Variants in THSD7B observed in about 807,000 individuals in gnomAD.
The protein encoded by THSD7B is thrombospondin type-1 domain-containing protein 7B.
In THSD7B, 138 loss-of-function variants were observed where a neutral mutation model predicts 213.6. That is an observed-to-expected ratio of 0.65 (90% CI 0.56 to 0.74). The LOEUF is 0.74. Ranked by LOEUF, THSD7B falls within the 30% of genes least tolerant of loss-of-function variation. The pLI, the probability that THSD7B is intolerant of heterozygous loss-of-function variation, is 0.00. For synonymous variants in THSD7B, 742 were observed against 687.0 expected, an observed-to-expected ratio of 1.08 and a Z score of -1.25; for missense variants, 1,931 against 1,991.5, an observed-to-expected ratio of 0.97 and a Z score of 0.58.
chr2:137,219,780 T>C (rs770658562), intron 7 of THSD7B, among the ~76,000 whole-genome samples: 1 of 150,342 alleles, frequency 6.7e-6, no homozygotes, highest in Non-Finnish European at 1.5e-5. Flanking sequence ...TTGTGCCGGA[T>C]GTTTGCACAA....
chr2:137,446,271 C>G (rs1418598698), intron 14 of THSD7B, among the ~76,000 whole-genome samples: 1 of 151,998 alleles, frequency 6.6e-6, no homozygotes, highest in Non-Finnish European at 1.5e-5. Context: ...GGGAAAAATG[C>G]ACATAAGGTA....
chr2:137,011,728 T>A (rs911809086), intron 2 of THSD7B, among the ~76,000 whole-genome samples: 3 of 152,144 alleles, frequency 2.0e-5, no homozygotes, highest in Non-Finnish European at 4.4e-5. Flanking sequence ...CTGAATCTCA[T>A]CCATCCTTCA....
At chr2:136,770,184 C>A (rs1681479642) in intron 1 of THSD7B, among the ~76,000 whole-genome samples, 1 of 152,210 alleles carries the variant, frequency 6.6e-6, no homozygotes, top group South Asian at 2.1e-4. Context: ...TCTTAGACTG[C>A]AGCTTTGTAG....
At chr2:137,652,405 CT>C (rs1284059051) in intron 21 of THSD7B, among the ~76,000 whole-genome samples, 2 of 152,110 alleles carry the variant, frequency 1.3e-5, no homozygotes, top group South Asian at 4.2e-4. Context: ...CATGGAATAT[CT>C]TTTTTTATTC....
intron 2 of THSD7B, among the ~76,000 whole-genome samples, chr2:136,977,109 T>C (rs1450608750): frequency 6.6e-6 from 1 of 152,174 alleles, no homozygotes; most frequent in African/African-American, 2.4e-5. Flanking sequence ...AGCTTTTTTT[T>C]TGGTTGATAG....
intron 7 of THSD7B, among the ~76,000 whole-genome samples, chr2:137,189,048 G>C (rs1184771456): frequency 6.6e-6 from 1 of 152,092 alleles, no homozygotes; most frequent in Non-Finnish European, 1.5e-5. Flanking sequence ...TCCAAGCCTA[G>C]AGCCACCATA....
chr2:137,261,339 T>C (rs933623824), intron 10 of THSD7B, among the ~76,000 whole-genome samples: 4 of 152,250 alleles, frequency 2.6e-5, no homozygotes, highest in Admixed American at 1.3e-4. Flanking sequence ...AGAAGAAATA[T>C]GCTTAACCTA....
At chr2:137,596,244 A>AGAT (rs10661903) in intron 17 of THSD7B, among the ~76,000 whole-genome samples, 43,473 of 151,720 alleles carry the variant, frequency 0.29, 6,677 homozygotes, top group South Asian at 0.41. Context: ...CTTACCTGGA[A>AGAT]GATAATGTAG....
At chr2:136,770,065 G>T (rs554086778) in intron 1 of THSD7B, among the ~76,000 whole-genome samples, 2 of 152,304 alleles carry the variant, frequency 1.3e-5, no homozygotes, top group East Asian at 3.9e-4. Context: ...AGGGCTGGCT[G>T]CTGATTTGTG....
chr2:137,129,259 CTT>C (rs1358437202), intron 5 of THSD7B, among the ~76,000 whole-genome samples: 1 of 152,148 alleles, frequency 6.6e-6, no homozygotes, highest in African/African-American at 2.4e-5. Flanking sequence ...TGGAGCTCAA[CTT>C]ATTAAGACTT....
chr2:136,858,073 A>G (rs558221845), intron 1 of THSD7B, among the ~76,000 whole-genome samples: 1 of 152,362 alleles, frequency 6.6e-6, no homozygotes, highest in East Asian at 1.9e-4. Context: ...TTTGGATGGT[A>G]ATAGCATTAC....
In THSD7B at chr2:137,662,273, A is replaced by G. The variant is rs1683365218; in HGVS notation, c.4459-1110A>G. Among the ~76,000 whole-genome samples, 17 of 128,694 alleles carry G rather than the reference A, an allele frequency of 1.3e-4. No individual in the cohort carries two copies. The South Asian group carries it at 4.3e-3, about 32-fold the overall frequency. 84.4% of individuals were successfully genotyped at this position (128,694 alleles called of 152,430 possible). On this transcript the variant is annotated intron_variant, in intron 25 of 27. Coordinates refer to ENST00000409968, the MANE Select transcript of THSD7B (RefSeq NM_001316349.2). Reference sequence around the variant, plus strand: ...TTTTTTTTTTGTATTTTTGGTAGAGACAGGTTTCACCACGTTAGCCAGGAT... The same window carrying G: ...TTTTTTTTTTGTATTTTTGGTAGAGGCAGGTTTCACCACGTTAGCCAGGAT...
intron 12 of THSD7B, among the ~76,000 whole-genome samples, chr2:137,329,817 T>G (rs1684454601): frequency 6.6e-6 from 1 of 151,498 alleles, no homozygotes; most frequent in South Asian, 2.1e-4. Context: ...TAATGAGGAG[T>G]CGAATGTTGA....
At chr2:136,788,844 T>C (rs1039339560) in intron 1 of THSD7B, among the ~76,000 whole-genome samples, 1 of 152,154 alleles carries the variant, frequency 6.6e-6, no homozygotes, top group African/African-American at 2.4e-5. Flanking sequence ...GTCTCTTTTC[T>C]CCTTATCTGG....
chr2:137,234,861 G>A (rs915243634), intron 9 of THSD7B, among the ~76,000 whole-genome samples: 3 of 152,114 alleles, frequency 2.0e-5, no homozygotes, highest in African/African-American at 7.2e-5. Context: ...AAATTAGTGA[G>A]CATATCATAC....
At chr2:136,932,683 C>T (rs1684651117) in intron 2 of THSD7B, among the ~76,000 whole-genome samples, 1 of 152,092 alleles carries the variant, frequency 6.6e-6, no homozygotes. Context: ...TCATCCTCAT[C>T]CTCTTCATGT....
At chr2:137,269,785 C>A (rs945590199) in intron 10 of THSD7B, among the ~76,000 whole-genome samples, 1 of 152,076 alleles carries the variant, frequency 6.6e-6, no homozygotes, top group African/African-American at 2.4e-5. Flanking sequence ...CCCTCTTTTT[C>A]TTTTTAAGCA....
intron 15 of THSD7B, among the ~76,000 whole-genome samples, chr2:137,475,814 T>A (rs1412739215): frequency 2.0e-5 from 3 of 152,200 alleles, no homozygotes; most frequent in Non-Finnish European, 4.4e-5. Flanking sequence ...TACTGATTTC[T>A]TTCCTTTGGA....
At chr2:137,575,241 C>T (rs927925770) in intron 17 of THSD7B, among the ~76,000 whole-genome samples, 1 of 151,924 alleles carries the variant, frequency 6.6e-6, no homozygotes, top group African/African-American at 2.4e-5. Context: ...TAAGTTATTA[C>T]CTAACACAGA....
Sources: gnomAD v4.1 joint callset for allele counts (sites outside exome capture counted in the v4.1 genomes callset) on GRCh38, gnomAD v4.1.1 for gene constraint, MANE v1.5 for transcripts, NCBI Gene and HGNC (gene_info 2026-07-23, HGNC 2026-07-21) for gene names.